Variants in SEMA5A observed in about 807,000 individuals in gnomAD.
SEMA5A encodes semaphorin 5A.
In SEMA5A, 55 loss-of-function variants were observed where a neutral mutation model predicts 135.5. The ratio of observed to expected loss-of-function variants is 0.41; its 90% CI spans 0.33 to 0.51. SEMA5A has a LOEUF of 0.51. Ranked by LOEUF, SEMA5A falls within the 20% of genes least tolerant of loss-of-function variation. SEMA5A has a pLI of 0.37. For missense variants in SEMA5A, 1,290 were observed against 1,419.9 expected (o/e 0.91, Z 1.47); for synonymous variants, 580 against 546.5 (o/e 1.06, Z -0.85).
intron 5 of SEMA5A, among the ~76,000 whole-genome samples, chr5:9,257,971 A>C (rs1365414961): frequency 6.6e-6 from 1 of 152,144 alleles, no homozygotes; most frequent in Non-Finnish European, 1.5e-5. Context: ...CTTCGAGGCT[A>C]TAGATGATAC....
intron 6 of SEMA5A, among the ~76,000 whole-genome samples, chr5:9,235,130 C>T (rs1441015717): frequency 6.6e-6 from 1 of 152,132 alleles, no homozygotes; most frequent in Admixed American, 6.5e-5. Context: ...GGAGGAAAAA[C>T]CCCTCGCTAC....
At chr5:9,186,164 C>T (rs1271020148) in intron 11 of SEMA5A, among the ~76,000 whole-genome samples, 3 of 152,186 alleles carry the variant, frequency 2.0e-5, no homozygotes, top group Non-Finnish European at 4.4e-5. Context: ...TTAGCACAGT[C>T]ATGATTCAGA....
At chr5:9,446,361 A>G (rs567240077) in intron 1 of SEMA5A, among the ~76,000 whole-genome samples, 8 of 152,252 alleles carry the variant, frequency 5.3e-5, no homozygotes, top group Non-Finnish European at 2.9e-5. Context: ...ATTAAAGCAA[A>G]CAGGTTGCCA....
intron 4 of SEMA5A, among the ~76,000 whole-genome samples, chr5:9,334,797 T>C (rs1753308970): frequency 6.6e-6 from 1 of 152,218 alleles, no homozygotes; most frequent in Non-Finnish European, 1.5e-5. Context: ...AACATACTTA[T>C]GATAAACATA....
At chr5:9,418,408 G>T (rs1056902128) in intron 2 of SEMA5A, among the ~76,000 whole-genome samples, 1 of 152,152 alleles carries the variant, frequency 6.6e-6, no homozygotes, top group Non-Finnish European at 1.5e-5. Flanking sequence ...ATTTTGAGGG[G>T]ACACAAACAT....
chr5:9,537,584 G>A lies in SEMA5A; in HGVS notation c.-175+8000C>T, dbSNP rs560515595. 7.9e-5 allele frequency among the ~76,000 whole-genome samples: 12 copies of A among 152,232 alleles called. 1 individual carries two copies. The East Asian group carries it at 1.9e-3, about 25-fold the overall frequency. ...TCATGAAGGGTGATAATTTAGGATTGGTAATAGAAAAACATGGTCGTTCTG... is the reference window on the plus strand; with the variant it reads ...TCATGAAGGGTGATAATTTAGGATTAGTAATAGAAAAACATGGTCGTTCTG... On this transcript the variant is annotated intron_variant, in intron 1 of 22. Transcript: ENST00000382496.
intron 3 of SEMA5A, among the ~76,000 whole-genome samples, chr5:9,352,583 G>A (rs1280454143): frequency 2.0e-5 from 3 of 152,164 alleles, no homozygotes; most frequent in African/African-American, 4.8e-5. Flanking sequence ...GATTGTGTTC[G>A]AGAAGCACTT....
At chr5:9,542,107 G>A (rs1738123846) in intron 1 of SEMA5A, among the ~76,000 whole-genome samples, 1 of 151,892 alleles carries the variant, frequency 6.6e-6, no homozygotes, top group Non-Finnish European at 1.5e-5. Context: ...TTGTATATCT[G>A]GATAACCAAT....
chr5:9,278,937 G>A (rs1029611584), intron 5 of SEMA5A, among the ~76,000 whole-genome samples: 7 of 152,242 alleles, frequency 4.6e-5, no homozygotes, highest in Admixed American at 3.3e-4. Context: ...GTAGGGCAGT[G>A]CAGAGTGGGA....
rs555551882 is a variant in SEMA5A at position 9,518,232 on chromosome 5, G to T, written c.-175+27352C>A. On this transcript the variant is annotated intron_variant, in intron 1 of 22. Coordinates refer to ENST00000382496, the MANE Select transcript of SEMA5A (RefSeq NM_003966.3). ...TTGTTAAATTATGTTTTTACAAATCGGTTATTTAGCTGTGACTCCATTTAA... is the reference window on the plus strand; with the variant it reads ...TTGTTAAATTATGTTTTTACAAATCTGTTATTTAGCTGTGACTCCATTTAA... 7.2e-5 allele frequency: 11 copies of T among 152,156 alleles called. No homozygotes were observed. In the South Asian group the frequency reaches 1.7e-3, roughly 23 times the overall value. The allele number at this position is 152,156 out of a possible 1,614,324, so 9.4% of individuals were successfully genotyped here.
intron 14 of SEMA5A, among the ~76,000 whole-genome samples, chr5:9,121,683 C>T (rs112654881): frequency 6.6e-6 from 1 of 151,270 alleles, no homozygotes; most frequent in African/African-American, 2.4e-5. Context: ...GCCTGTGTCC[C>T]CTGTAATACA....
At chr5:9,437,659 A>G (rs1758080747) in intron 2 of SEMA5A, 97 bp downstream of exon 2, 1 of 152,122 alleles carries the variant, frequency 6.6e-6, no homozygotes. Flanking sequence ...GCCTACTCTT[A>G]TTTTTAATAA....
intron 12 of SEMA5A, among the ~76,000 whole-genome samples, chr5:9,151,700 C>T (rs1463009712): frequency 1.3e-5 from 2 of 152,018 alleles, no homozygotes; most frequent in Admixed American, 6.6e-5. Flanking sequence ...TTTCTTTTCT[C>T]GAATGAAATA....
chr5:9,189,983 T>C (rs972075978), intron 11 of SEMA5A, among the ~76,000 whole-genome samples: 4 of 152,206 alleles, frequency 2.6e-5, no homozygotes, highest in African/African-American at 9.6e-5. Context: ...CAAATGGTCT[T>C]GCCAAGAAAA....
At chr5:9,267,000 A>G (rs1393091173) in intron 5 of SEMA5A, among the ~76,000 whole-genome samples, 2 of 152,198 alleles carry the variant, frequency 1.3e-5, no homozygotes, top group African/African-American at 4.8e-5. Flanking sequence ...CATTGTACAG[A>G]TTAGAAGCCT....
intron 1 of SEMA5A, among the ~76,000 whole-genome samples, chr5:9,489,072 G>A (rs1185928249): frequency 2.0e-5 from 3 of 152,118 alleles, no homozygotes; most frequent in African/African-American, 4.8e-5. Context: ...CTTGGGCAGG[G>A]CTCATGTACC....
intron 3 of SEMA5A, among the ~76,000 whole-genome samples, chr5:9,364,113 G>T (rs1190213233): frequency 6.6e-6 from 1 of 152,092 alleles, no homozygotes; most frequent in Admixed American, 6.5e-5. Context: ...TTCTTTCCTT[G>T]CTAAGTTAAT....
At chr5:9,533,812 C>G (rs536850686) in intron 1 of SEMA5A, among the ~76,000 whole-genome samples, 2 of 152,238 alleles carry the variant, frequency 1.3e-5, no homozygotes, top group East Asian at 3.9e-4. Flanking sequence ...CTTTTTCTTC[C>G]CACACATAGG....
At chr5:9,250,765 A>G (rs990939543) in intron 5 of SEMA5A, among the ~76,000 whole-genome samples, 18 of 152,328 alleles carry the variant, frequency 1.2e-4, no homozygotes, top group South Asian at 6.2e-4. Flanking sequence ...GATATAAAAA[A>G]TTACACAAAC....
Sources: allele counts gnomAD v4.1 joint callset (sites outside exome capture counted in the v4.1 genomes callset), GRCh38; gene constraint gnomAD v4.1.1; transcripts MANE v1.5; gene names NCBI Gene and HGNC (gene_info 2026-07-23, HGNC 2026-07-21).